Variants in PDE4D observed in about 807,000 individuals in gnomAD.
PDE4D encodes the protein phosphodiesterase 4D, also known as 3',5'-cyclic-AMP phosphodiesterase 4D.
A neutral mutation model predicts 87.4 loss-of-function variants in PDE4D; 24 were observed. The ratio of observed to expected loss-of-function variants is 0.27; its 90% CI spans 0.20 to 0.39. The LOEUF is 0.39. Among genes scored for constraint, PDE4D ranks in the 10% least tolerant of loss-of-function variants. PDE4D has a pLI of 1.00. For synonymous variants in PDE4D, 384 were observed against 383.2 expected (o/e 1.00, Z -0.02); for missense variants, 714 against 1,041.0 (o/e 0.69, Z 4.32).
intron 5 of PDE4D, among the ~76,000 whole-genome samples, chr5:59,171,784 A>T (rs1782806149): frequency 7.3e-6 from 1 of 136,138 alleles, no homozygotes; most frequent in Admixed American, 8.4e-5. Flanking sequence ...ATGAATACAT[A>T]TTCATATATA....
chr5:59,141,316 T>C (rs1385324493), intron 5 of PDE4D, among the ~76,000 whole-genome samples: 1 of 152,250 alleles, frequency 6.6e-6, no homozygotes, highest in Non-Finnish European at 1.5e-5. Flanking sequence ...TCAGGCTGTT[T>C]ACAACTGAAA....
intron 2 of PDE4D, among the ~76,000 whole-genome samples, chr5:60,016,865 G>C (rs1765567440): frequency 6.6e-6 from 1 of 152,192 alleles, no homozygotes; most frequent in Non-Finnish European, 1.5e-5. Flanking sequence ...CTCTTCCTGA[G>C]AGTCATAAAT....
intron 1 of PDE4D, among the ~76,000 whole-genome samples, chr5:60,302,385 G>C (rs949331124): frequency 6.6e-6 from 1 of 151,984 alleles, no homozygotes; most frequent in African/African-American, 2.4e-5. Context: ...TTTCTTCCTG[G>C]TTCAGTCTTT....
In PDE4D at chr5:60,382,711, C is replaced by G. The variant is rs1426350166; in HGVS notation, c.-90+105231G>C. Among the ~76,000 whole-genome samples the G allele has an allele frequency of 2.0e-5, 3 of 152,286 alleles. No homozygotes were observed. The East Asian group carries it at 5.8e-4, about 29-fold the overall frequency. ...ACTGAAGTTTTAGAAAATACTGGAT[C>G]TGCCTTCACTTTTCGTTTTCATTTT... On this transcript the variant is annotated intron_variant, in intron 1 of 16. Coordinates refer to the PDE4D transcript ENST00000502484.
intron 11 of PDE4D, 115 bp from the exon 12 acceptor site, chr5:58,977,460 T>C (rs766400812): frequency 2.4e-6 from 2 of 842,694 alleles, no homozygotes; most frequent in Non-Finnish European, 1.9e-6. Flanking sequence ...GCTGCCCTTA[T>C]CATTACCTGA....
At chr5:60,261,795 A>G (rs1269908893) in intron 1 of PDE4D, among the ~76,000 whole-genome samples, 1 of 152,158 alleles carries the variant, frequency 6.6e-6, no homozygotes, top group Non-Finnish European at 1.5e-5. Context: ...AGAAGAAATT[A>G]CCAATCTCCT....
chr5:60,463,960 A>G (rs1747154287), intron 1 of PDE4D, among the ~76,000 whole-genome samples: 1 of 152,216 alleles, frequency 6.6e-6, no homozygotes. Flanking sequence ...GACAGTCTTT[A>G]GTTTCTAATC....
chr5:59,520,968 A>G (rs957548727), intron 1 of PDE4D, among the ~76,000 whole-genome samples: 12 of 152,238 alleles, frequency 7.9e-5, no homozygotes, highest in African/African-American at 2.2e-4. Context: ...AAATTCCTCA[A>G]TTTCAAAGAC....
chr5:60,274,749 A>G (rs143330421), intron 1 of PDE4D, among the ~76,000 whole-genome samples: 232 of 152,300 alleles, frequency 1.5e-3, no homozygotes, highest in Non-Finnish European at 2.1e-3. Flanking sequence ...GATCATTCAG[A>G]TTGCTTGGGC....
chr5:60,057,634 G>A (rs1770922296), intron 2 of PDE4D, among the ~76,000 whole-genome samples: 1 of 151,906 alleles, frequency 6.6e-6, no homozygotes, highest in African/African-American at 2.4e-5. Flanking sequence ...CAGTGAATAT[G>A]TATTATTTGA....
intron 1 of PDE4D, among the ~76,000 whole-genome samples, chr5:60,326,290 T>C (rs1299253909): frequency 6.6e-6 from 1 of 152,136 alleles, no homozygotes; most frequent in East Asian, 1.9e-4. Context: ...CCATTATCCA[T>C]GTATGAGTGG....
At position 60,263,059 on chromosome 5, in the gene PDE4D, G is replaced by A. The variant is rs1749816412; in HGVS notation, c.-89-77372C>T. On this transcript the variant is annotated intron_variant, in intron 1 of 16. Transcript: ENST00000502484. ...GCTTCTCATGGGACTTCCCTGGGGA[G>A]CCAATTAGTGCTGGTTGCTGAAGTG... is the stretch of plus-strand genomic sequence containing the variant. 2.0e-5 allele frequency among the ~76,000 whole-genome samples: 3 copies of A among 152,188 alleles called. No individual in the cohort carries two copies. In the South Asian group the frequency reaches 6.2e-4, roughly 31 times the overall value.
chr5:59,855,885 C>T (rs2067024), intron 1 of PDE4D, among the ~76,000 whole-genome samples: 34,092 of 152,002 alleles, frequency 0.22, 4,869 homozygotes, highest in Admixed American at 0.34. Context: ...AAGTATTCTA[C>T]GATATTGCCC....
chr5:59,880,016 A>C lies in PDE4D; in HGVS notation c.455+13152T>G, dbSNP rs1376092868. ...GGCCTCCCAAAGTGCTGGCATTGCA[A>C]GCGTGAGCCACTGCTCCTGGCCTGT... On this transcript the variant is annotated intron_variant, in intron 1 of 14. Transcript: ENST00000340635. Among the ~76,000 whole-genome samples the C allele has an allele frequency of 5.3e-5, 8 of 152,226 alleles. No homozygotes were observed. In the East Asian group the frequency reaches 9.7e-4, roughly 18 times the overall value.
chr5:59,347,420 T>C (rs1779788475), intron 1 of PDE4D, among the ~76,000 whole-genome samples: 1 of 152,220 alleles, frequency 6.6e-6, no homozygotes, highest in Admixed American at 6.5e-5. Flanking sequence ...TTCGTCCAGC[T>C]AGCTTTCCTT....
chr5:59,021,571 T>A (rs1001979553), intron 6 of PDE4D, among the ~76,000 whole-genome samples: 3 of 152,198 alleles, frequency 2.0e-5, no homozygotes, highest in African/African-American at 7.2e-5. Flanking sequence ...CCACACTACA[T>A]AATTTATGTA....
At chr5:60,201,206 C>CAAAAAAAAA (rs1161235940) in intron 1 of PDE4D, among the ~76,000 whole-genome samples, 2 of 61,962 alleles carry the variant, frequency 3.2e-5, no homozygotes, top group African/African-American at 4.7e-5. Context: ...AAAAAGAAAG[C>CAAAAAAAAA]AAAAAAAAAA....
chr5:59,192,515 C>T (rs1744568961), intron 3 of PDE4D, among the ~76,000 whole-genome samples: 1 of 152,106 alleles, frequency 6.6e-6, no homozygotes, highest in East Asian at 1.9e-4. Context: ...TCATCCAGCT[C>T]AGTCCCCTAA....
At chr5:59,036,019 T>C (rs1758436588) in intron 6 of PDE4D, among the ~76,000 whole-genome samples, 1 of 152,194 alleles carries the variant, frequency 6.6e-6, no homozygotes, top group Admixed American at 6.5e-5. Flanking sequence ...AAGAAACATA[T>C]ATAATACCAA....
Sources: gnomAD v4.1 joint callset for allele counts (sites outside exome capture counted in the v4.1 genomes callset) on GRCh38, gnomAD v4.1.1 for gene constraint, MANE v1.5 for transcripts, NCBI Gene and HGNC (gene_info 2026-07-23, HGNC 2026-07-21) for gene names.